SDK1: variants seen among roughly 807,000 people sequenced by gnomAD.
SDK1 encodes the protein sidekick cell adhesion molecule 1.
Under a neutral mutation model 245.5 loss-of-function variants are expected in SDK1, and 157 were observed. The ratio of observed to expected loss-of-function variants is 0.64; its 90% confidence interval spans 0.56 to 0.73. The LOEUF is 0.73. SDK1 is among the 30% of genes least tolerant of loss of function. SDK1 has a pLI of 0.00. For synonymous variants in SDK1, 1,647 were observed against 1,278.5 expected, an observed-to-expected ratio of 1.29 and a Z score of -6.15; for missense variants, 3,583 against 3,002.3, an observed-to-expected ratio of 1.19 and a Z score of -4.52.
intron 30 of SDK1, among the ~76,000 whole-genome samples, chr7:4,152,638 A>T (rs982270692): frequency 1.2e-4 from 18 of 152,220 alleles, no homozygotes; most frequent in Non-Finnish European, 2.4e-4. Context: ...AATGGGCCAG[A>T]ACTAGGACAA....
intron 1 of SDK1, among the ~76,000 whole-genome samples, chr7:3,410,625 C>G (rs180750844): frequency 8.0e-6 from 1 of 124,358 alleles, no homozygotes; most frequent in African/African-American, 3.2e-5. Context: ...CTTGCTCTGT[C>G]GCCTAGGCTG....
At chr7:4,195,460 C>T (rs1783522392) in intron 35 of SDK1, among the ~76,000 whole-genome samples, 1 of 152,184 alleles carries the variant, frequency 6.6e-6, no homozygotes, top group Non-Finnish European at 1.5e-5. Flanking sequence ...ACTCTCCATC[C>T]TCAGCTGCCT....
At chr7:4,048,112 G>A (rs58772095) in intron 17 of SDK1, among the ~76,000 whole-genome samples, 2,126 of 152,272 alleles carry the variant, frequency 0.014, 57 homozygotes, top group African/African-American at 0.049. Flanking sequence ...TTGGGGAAGG[G>A]AGCCGAGAAG....
chr7:3,709,640 A>AT (rs1189033006), intron 4 of SDK1, among the ~76,000 whole-genome samples: 4 of 152,102 alleles, frequency 2.6e-5, no homozygotes, highest in Non-Finnish European at 5.9e-5. Context: ...TCTGCAGACT[A>AT]TTTTTTCTTT....
intron 1 of SDK1, among the ~76,000 whole-genome samples, chr7:3,480,694 C>G (rs1437396685): frequency 6.6e-6 from 1 of 152,202 alleles, no homozygotes; most frequent in Non-Finnish European, 1.5e-5. Context: ...GGATTGTAGT[C>G]CCCTGCTATT....
chr7:3,646,805 A>G (rs895384271), intron 4 of SDK1, among the ~76,000 whole-genome samples: 1 of 152,134 alleles, frequency 6.6e-6, no homozygotes, highest in East Asian at 1.9e-4. Context: ...GAAAGTAGAG[A>G]CAATCTACAA....
intron 4 of SDK1, among the ~76,000 whole-genome samples, chr7:3,649,781 C>G (rs887519154): frequency 6.6e-6 from 1 of 152,046 alleles, no homozygotes; most frequent in African/African-American, 2.4e-5. Context: ...ACCGTTCCAC[C>G]GTGTATATGA....
In SDK1 at chr7:4,265,712, A is replaced by G. The variant is rs139390239; in HGVS notation, c.*328A>G. On this transcript the variant is annotated 3_prime_UTR_variant, in exon 45 of 45. Coordinates refer to ENST00000404826, the MANE Select transcript of SDK1 (RefSeq NM_152744.4). ...CCAGCCCTGGGTTTCTCCGTCTTCA[A>G]GACCAACTAGGAAGGGTCAAGCGGG... is the stretch of plus-strand genomic sequence containing the variant. The G allele has an allele frequency of 6.9e-5, 77 of 1,112,504 alleles. No homozygotes were observed. In the African/African-American group the frequency reaches 1.2e-3, roughly 17 times the overall value. The allele number at this position is 1,112,504 out of a possible 1,614,324, so 68.9% of individuals were successfully genotyped here.
intron 36 of SDK1, 27 bp downstream of exon 36, chr7:4,206,021 C>A (rs1784203271): frequency 1.3e-5 from 19 of 1,436,072 alleles, no homozygotes; most frequent in South Asian, 2.7e-5. Context: ...CGGTTGCCTC[C>A]CCTGGCTCGC....
intron 4 of SDK1, among the ~76,000 whole-genome samples, chr7:3,707,681 A>G (rs977301498): frequency 6.6e-6 from 1 of 152,114 alleles, no homozygotes; most frequent in Non-Finnish European, 1.5e-5. Context: ...GTTTCTGTTT[A>G]TCTCATCTCT....
chr7:3,612,246 A>G (rs1158975945), intron 1 of SDK1, among the ~76,000 whole-genome samples: 6 of 152,198 alleles, frequency 3.9e-5, no homozygotes, highest in Admixed American at 3.3e-4. Flanking sequence ...GGAAATAAAA[A>G]AATTAAAAAT....
At chr7:3,535,063 C>G (rs1351062362) in intron 1 of SDK1, among the ~76,000 whole-genome samples, 1 of 152,132 alleles carries the variant, frequency 6.6e-6, no homozygotes, top group Non-Finnish European at 1.5e-5. Flanking sequence ...CACCTGAGGT[C>G]AGGAGTTCGA....
chr7:3,891,381 T>C (rs1781454577), intron 5 of SDK1, among the ~76,000 whole-genome samples: 4 of 152,180 alleles, frequency 2.6e-5, no homozygotes, highest in Admixed American at 2.0e-4. Context: ...CTGGAAGACA[T>C]GCTCTCCTTC....
At chr7:3,980,092 A>T (rs1304100641) in intron 13 of SDK1, among the ~76,000 whole-genome samples, 1 of 152,336 alleles carries the variant, frequency 6.6e-6, no homozygotes, top group South Asian at 2.1e-4. Context: ...GTGAAGTCAA[A>T]GAAGATGGGT....
intron 19 of SDK1, among the ~76,000 whole-genome samples, chr7:4,063,477 GA>G (rs1391974966): frequency 6.6e-6 from 1 of 151,566 alleles, no homozygotes; most frequent in African/African-American, 2.4e-5. Context: ...TAAATAGAAA[GA>G]CATCCCATGC....
chr7:3,686,979 A>G (rs577197601), intron 4 of SDK1, among the ~76,000 whole-genome samples: 2 of 151,360 alleles, frequency 1.3e-5, no homozygotes, highest in Non-Finnish European at 1.5e-5. Flanking sequence ...GGGAACTTCA[A>G]CTTGATCTGC....
intron 4 of SDK1, among the ~76,000 whole-genome samples, chr7:3,700,505 G>C (rs1479682595): frequency 6.6e-6 from 1 of 152,142 alleles, no homozygotes; most frequent in Non-Finnish European, 1.5e-5. Flanking sequence ...CATAAGCCTT[G>C]TGGATATAAT....
chr7:3,922,641 T>G (rs1468268804), intron 5 of SDK1, among the ~76,000 whole-genome samples: 1 of 152,256 alleles, frequency 6.6e-6, no homozygotes. Context: ...GATTTTCATT[T>G]CTTTTCTTTA....
At chr7:3,367,072 T>C (rs997282670) in intron 1 of SDK1, among the ~76,000 whole-genome samples, 12 of 152,162 alleles carry the variant, frequency 7.9e-5, no homozygotes, top group Admixed American at 7.2e-4. Context: ...GAAGGAAGAT[T>C]ATTTATTTGG....
Sources: gnomAD v4.1 joint callset for allele counts (sites outside exome capture counted in the v4.1 genomes callset) on GRCh38, gnomAD v4.1.1 for gene constraint, MANE v1.5 for transcripts, NCBI Gene and HGNC (gene_info 2026-07-23, HGNC 2026-07-21) for gene names.